ARHGEF28: variants seen among roughly 807,000 people sequenced by gnomAD.
ARHGEF28 encodes the protein 190 kDa guanine nucleotide exchange factor.
Under a neutral mutation model 206.6 loss-of-function variants are expected in ARHGEF28, and 152 were observed. The ratio of observed to expected loss-of-function variants is 0.74; its 90% CI spans 0.64 to 0.84. ARHGEF28 has a LOEUF of 0.84. Ranked by LOEUF, ARHGEF28 falls within the 40% of genes least tolerant of loss-of-function variation. ARHGEF28 has a pLI of 0.00. For missense variants in ARHGEF28, 2,028 were observed against 2,073.2 expected, an observed-to-expected ratio of 0.98 and a Z score of 0.42; for synonymous variants, 763 against 776.4, an observed-to-expected ratio of 0.98 and a Z score of 0.29.
chr5:73,649,106 AT>A (rs1295876961), intron 1 of ARHGEF28, among the ~76,000 whole-genome samples: 1 of 152,214 alleles, frequency 6.6e-6, no homozygotes, highest in Non-Finnish European at 1.5e-5. Flanking sequence ...TATGATCCCC[AT>A]TGTATAGATA....
At chr5:73,679,065 T>C (rs1167754483) in intron 1 of ARHGEF28, among the ~76,000 whole-genome samples, 1 of 152,214 alleles carries the variant, frequency 6.6e-6, no homozygotes, top group Non-Finnish European at 1.5e-5. Flanking sequence ...ATTTCAAAAT[T>C]ATTTTTGTAG....
chr5:73,777,048 A>G (rs75894471), intron 6 of ARHGEF28, among the ~76,000 whole-genome samples: 1,966 of 152,258 alleles, frequency 0.013, 54 homozygotes, highest in African/African-American at 0.044. Flanking sequence ...GGATTATCAT[A>G]TTGCTCAAAT....
chr5:73,795,320 A>G lies in ARHGEF28; in HGVS notation c.964-11A>G, dbSNP rs373429619. 3.0e-5 allele frequency: 48 copies of G among 1,612,606 alleles called. No individual in the cohort carries two copies. Among genetic ancestry groups the G allele is most frequent in the Non-Finnish European group, 3.9e-5 (46 of 1,179,326 alleles). On this transcript the variant is annotated splice_polypyrimidine_tract_variant and intron_variant, in intron 8 of 35. Coordinates refer to ENST00000513042, the MANE Select transcript of ARHGEF28 (RefSeq NM_001177693.2). ...ATTTTTTAAAAATCCACCTGACTTTATCTCTTCCAGCGTGTCAAAAGCCTG... is the reference window on the plus strand; with the variant it reads ...ATTTTTTAAAAATCCACCTGACTTTGTCTCTTCCAGCGTGTCAAAAGCCTG...
intron 1 of ARHGEF28, among the ~76,000 whole-genome samples, chr5:73,680,517 G>A (rs1747012004): frequency 6.8e-6 from 1 of 147,890 alleles, no homozygotes; most frequent in Non-Finnish European, 1.5e-5. Flanking sequence ...GATGGGTTTT[G>A]GATGGGAGGG....
chr5:73,829,026 G>T (rs933197487), intron 9 of ARHGEF28, among the ~76,000 whole-genome samples: 5 of 152,144 alleles, frequency 3.3e-5, no homozygotes, highest in Admixed American at 1.3e-4. Flanking sequence ...TAGTCATGTT[G>T]CCCAGGCTGG....
At position 73,795,378 on chromosome 5, in the gene ARHGEF28, C is replaced by A; in HGVS notation, c.1011C>A (p.His337Gln). 2 of 1,613,622 alleles carry A rather than the reference C, an allele frequency of 1.2e-6. No individual in the cohort carries two copies. Among genetic ancestry groups the A allele is most frequent in the Non-Finnish European group, 1.7e-6 (2 of 1,179,612 alleles). ...VVQHNEHEDQHSLDLDRSFDI... is the reference protein window; with the variant it reads ...VVQHNEHEDQQSLDLDRSFDI... ...AACACAATGAACATGAAGACCAGCA[C>A]AGCCTAGATTTGGGTATGAAATAAC... The change falls in exon 9 of 36, where the codon CAC (histidine) becomes CAA (glutamine). Residue 337 changes from histidine (H) to glutamine (Q), a missense_variant. Transcript: ENST00000513042.
In ARHGEF28 at chr5:73,646,221, C is replaced by T. The variant is rs142616160; in HGVS notation, c.-12+19899C>T. 4.2e-3 allele frequency among the ~76,000 whole-genome samples: 639 copies of T among 152,276 alleles called. 5 individuals are homozygous for T. Among genetic ancestry groups the T allele is most frequent in the Non-Finnish European group, 5.7e-3 (389 of 68,022 alleles). The stretch of plus-strand genomic sequence containing the variant: ...ACAGGCTTTAATTCTGACACATCCT[C>T]TTCATGCTGTATTGCTGCAACGCAG... On this transcript the variant is annotated intron_variant, in intron 1 of 35. Transcript: ENST00000513042.
Position 73,762,653 on chromosome 5 carries a change from A to G in ARHGEF28, c.475+9451A>G, listed in dbSNP as rs115304506. Among the ~76,000 whole-genome samples, 1,431 of 152,134 alleles carry G rather than the reference A, an allele frequency of 9.4e-3. 23 individuals carry two copies. The highest frequency in any genetic ancestry group is 0.032 in the African/African-American group (1,347 of 41,488). ...AATTCTTGTAGTATATGACTCTCCTATGTTTCTTGTCAACACATTTAATTT... is the reference window on the plus strand; with the variant it reads ...AATTCTTGTAGTATATGACTCTCCTGTGTTTCTTGTCAACACATTTAATTT... On this transcript the variant is annotated intron_variant, in intron 4 of 35. Coordinates refer to ENST00000513042, the MANE Select transcript of ARHGEF28 (RefSeq NM_001177693.2).
intron 16 of ARHGEF28, among the ~76,000 whole-genome samples, chr5:73,863,965 A>G (rs1759551209): frequency 6.6e-6 from 1 of 152,118 alleles, no homozygotes; most frequent in Admixed American, 6.5e-5. Context: ...GGTCACTGGC[A>G]TTTATGCAGT....
chr5:73,869,227 G>GT lies in ARHGEF28; in HGVS notation c.2426-842_2426-841insT, dbSNP rs200172040. Among the ~76,000 whole-genome samples, 377 of 130,362 alleles carry GT rather than the reference G, an allele frequency of 2.9e-3. 9 individuals carry two copies. In the East Asian group the frequency reaches 0.072, roughly 25 times the overall value. 85.5% of individuals were successfully genotyped at this position (130,362 alleles called of 152,430 possible). A position where few individuals can be genotyped will look rare whatever the true frequency, so the allele number is the denominator to read the frequency against. ...TGAGGAGTGTGTGTGTGGGGTGGAG[G>GT]GGGGTGGGGAAGGGCATGTATGTAT... is the stretch of plus-strand genomic sequence containing the variant. On this transcript the variant is annotated intron_variant, in intron 20 of 35. Coordinates refer to ENST00000513042, the MANE Select transcript of ARHGEF28 (RefSeq NM_001177693.2).
chr5:73,828,525 C>T (rs541668814), intron 9 of ARHGEF28, among the ~76,000 whole-genome samples: 17 of 150,596 alleles, frequency 1.1e-4, no homozygotes, highest in African/African-American at 3.9e-4. Context: ...CTTACTGTCT[C>T]GGTGGAGCCA....
intron 10 of ARHGEF28, 64 bp downstream of exon 10, chr5:73,832,523 A>G: frequency 6.4e-7 from 1 of 1,569,520 alleles, no homozygotes; most frequent in Non-Finnish European, 8.7e-7. Flanking sequence ...TTTGTAAGAA[A>G]TAGATTCAGC....
chr5:73,698,161 G>T lies in ARHGEF28; in HGVS notation c.33+13277G>T, dbSNP rs373045749. Reference sequence around the variant, plus strand: ...TCCAATTCAGATTCCTCTTATCCAGGTCCTGAAAATGCCCTCAGACATTCC... The same window carrying T: ...TCCAATTCAGATTCCTCTTATCCAGTTCCTGAAAATGCCCTCAGACATTCC... On this transcript the variant is annotated intron_variant, in intron 2 of 35. Transcript: ENST00000513042. Among the ~76,000 whole-genome samples, 36 of 152,064 alleles carry T rather than the reference G, an allele frequency of 2.4e-4. No individual in the cohort carries two copies. In the East Asian group the frequency reaches 3.7e-3, roughly 16 times the overall value.
At chr5:73,715,320 A>G (rs1749517708) in intron 2 of ARHGEF28, among the ~76,000 whole-genome samples, 1 of 152,200 alleles carries the variant, frequency 6.6e-6, no homozygotes, top group African/African-American at 2.4e-5. Context: ...TGCCACTACC[A>G]TGAATAAGCT....
intron 24 of ARHGEF28, among the ~76,000 whole-genome samples, 156 bp from the exon 25 acceptor site, chr5:73,885,694 A>G (rs1273957553): frequency 6.6e-6 from 1 of 152,078 alleles, no homozygotes; most frequent in East Asian, 1.9e-4. Context: ...TGCCCAGGCT[A>G]GGAATTTAAG....
At chr5:73,781,034 T>G (rs1422845238) in intron 7 of ARHGEF28, among the ~76,000 whole-genome samples, 1 of 150,676 alleles carries the variant, frequency 6.6e-6, no homozygotes, top group African/African-American at 2.5e-5. Flanking sequence ...ACATTCTGAT[T>G]GTTCTCCTCA....
chr5:73,795,467 A>G, intron 9 of ARHGEF28, 76 bp downstream of exon 9: 1 of 1,272,018 alleles, frequency 7.9e-7, no homozygotes, highest in Non-Finnish European at 1.1e-6. Flanking sequence ...AAGCAAGTAA[A>G]TTTTAACATA....
intron 2 of ARHGEF28, among the ~76,000 whole-genome samples, chr5:73,694,778 C>CT (rs1748081849): frequency 6.6e-6 from 1 of 152,210 alleles, no homozygotes; most frequent in African/African-American, 2.4e-5. Context: ...ATGAAGGTCA[C>CT]TAAGTTTGCT....
intron 34 of ARHGEF28, 104 bp downstream of exon 34, chr5:73,910,001 A>G: frequency 7.2e-7 from 1 of 1,388,232 alleles, no homozygotes. Flanking sequence ...GATTTGTGTA[A>G]GAAGACCTCA....
Sources: allele counts gnomAD v4.1 joint callset (sites outside exome capture counted in the v4.1 genomes callset), GRCh38; gene constraint gnomAD v4.1.1; transcripts MANE v1.5; gene names NCBI Gene and HGNC (gene_info 2026-07-23, HGNC 2026-07-21).